The following TMEM132E variants were observed in gnomAD, a reference collection of about 807,000 sequenced individuals.
TMEM132E encodes the protein transmembrane protein 132E.
Under a neutral mutation model 78.5 loss-of-function variants are expected in TMEM132E, and 49 were observed. The ratio of observed to expected loss-of-function variants is 0.62; its 90% CI spans 0.50 to 0.79. TMEM132E has a LOEUF of 0.79. Among genes scored for constraint, TMEM132E ranks in the 30% least tolerant of loss-of-function variants. The probability of loss-of-function intolerance (pLI) is 0.00; values close to 1 mark genes in which losing one functional copy is unlikely to be tolerated. For missense variants in TMEM132E, 1,403 were observed against 1,470.9 expected (o/e 0.95, Z 0.75); for synonymous variants, 715 against 670.6 (o/e 1.07, Z -1.02).
chr17:34,633,222 G>C (rs1241775228), intron 6 of TMEM132E, among the ~76,000 whole-genome samples: 1 of 152,262 alleles, frequency 6.6e-6, no homozygotes, highest in African/African-American at 2.4e-5. Flanking sequence ...GGCACAAGGA[G>C]AGAACCCCCT....
intron 1 of TMEM132E, among the ~76,000 whole-genome samples, chr17:34,603,544 C>T (rs1234964418): frequency 6.6e-6 from 1 of 152,186 alleles, no homozygotes; most frequent in Admixed American, 6.5e-5. Flanking sequence ...TGTGCCATGC[C>T]TGCTCCTGCA....
chr17:34,631,042 T>C (rs1276480771), intron 5 of TMEM132E, among the ~76,000 whole-genome samples: 5 of 152,198 alleles, frequency 3.3e-5, no homozygotes, highest in African/African-American at 7.2e-5. Context: ...CACCCTCCAG[T>C]AGGCATCAAA....
rs545282924 is a variant in TMEM132E at position 34,582,577 on chromosome 17, T to C, written c.67+1434T>C. Among the ~76,000 whole-genome samples the C allele has an allele frequency of 1.7e-4, 26 of 150,066 alleles. 1 individual carries two copies. In the South Asian group the frequency reaches 4.9e-3, roughly 28 times the overall value. On this transcript the variant is annotated intron_variant, in intron 1 of 8. Coordinates refer to ENST00000631683, the MANE Select transcript of TMEM132E (RefSeq NM_001304438.2). ...TAACCTCAGTTCTCTATGGGAGGAA[T>C]AGGCAGAGCAGCGAGCCAGCAGGGG...
intron 1 of TMEM132E, among the ~76,000 whole-genome samples, chr17:34,602,683 G>A (rs1382331254): frequency 1.3e-5 from 2 of 152,138 alleles, no homozygotes; most frequent in East Asian, 1.9e-4. Flanking sequence ...GCAGAGGGAG[G>A]GCTTCACCCA....
Position 34,594,680 on chromosome 17 carries a change from C to G in TMEM132E, c.67+13537C>G, listed in dbSNP as rs143803745. Among the ~76,000 whole-genome samples the G allele has an allele frequency of 6.6e-3, 1,012 of 152,278 alleles. 14 individuals are homozygous for G. The highest frequency in any genetic ancestry group is 0.023 in the African/African-American group (962 of 41,520). ...TCATAGCTCACTGCAGCCTCGAACTCTTGGGCTCAAGTGATCCTCCTGCCT... is the reference window on the plus strand; with the variant it reads ...TCATAGCTCACTGCAGCCTCGAACTGTTGGGCTCAAGTGATCCTCCTGCCT... On this transcript the variant is annotated intron_variant, in intron 1 of 8. Transcript: ENST00000631683.
At chr17:34,620,355 T>C (rs1334585102) in intron 1 of TMEM132E, among the ~76,000 whole-genome samples, 1 of 152,214 alleles carries the variant, frequency 6.6e-6, no homozygotes, top group Non-Finnish European at 1.5e-5. Context: ...AACTGTTCTA[T>C]AGTATTATAT....
At chr17:34,604,614 G>T (rs1215736279) in intron 1 of TMEM132E, among the ~76,000 whole-genome samples, 2 of 151,758 alleles carry the variant, frequency 1.3e-5, no homozygotes, top group African/African-American at 4.8e-5. Flanking sequence ...CCATCTGCAG[G>T]CTTCCAGCTC....
chr17:34,605,837 C>A (rs530935811), intron 1 of TMEM132E, among the ~76,000 whole-genome samples: 1 of 152,186 alleles, frequency 6.6e-6, no homozygotes, highest in Non-Finnish European at 1.5e-5. Context: ...TCTTTAGAAC[C>A]GACGCTACTT....
chr17:34,634,679 C>A, intron 6 of TMEM132E, 120 bp from the exon 7 acceptor site: 1 of 1,264,058 alleles, frequency 7.9e-7, no homozygotes, highest in Non-Finnish European at 1.1e-6. Context: ...ATAGAGGAAG[C>A]TTGCTTTTGC....
At chr17:34,581,875 G>A (rs1018737029) in intron 1 of TMEM132E, among the ~76,000 whole-genome samples, 3 of 152,174 alleles carry the variant, frequency 2.0e-5, no homozygotes, top group African/African-American at 7.2e-5. Context: ...GGAGAAGGAG[G>A]GATTGAGGTT....
intron 3 of TMEM132E, 41 bp from the exon 4 acceptor site, chr17:34,628,971 C>T: frequency 2.0e-6 from 3 of 1,517,336 alleles, no homozygotes; most frequent in Non-Finnish European, 2.7e-6. Flanking sequence ...CTGCTCCCAG[C>T]CCTTCATCCT....
chr17:34,587,638 A>T (rs1372788962), intron 1 of TMEM132E, among the ~76,000 whole-genome samples: 2 of 152,060 alleles, frequency 1.3e-5, no homozygotes, highest in Admixed American at 6.5e-5. Flanking sequence ...TCCAGAAGCC[A>T]GTGTATTTTT....
rs140659696 is a variant in TMEM132E, at chr17:34,637,878, G to C, written c.2871G>C (p.Pro957=). The part of the protein sequence containing the change: ...QGELSPPAGN[P]LETVPAFCHG... ...AGCTGTCGCCGCCAGCAGGCAACCC[G>C]CTGGAAACCGTGCCCGCCTTCTGCC... The change falls in exon 9 of 9, where the codon CCG becomes CCC. Residue 957 remains proline (P), a synonymous_variant. Coordinates refer to ENST00000631683, the MANE Select transcript of TMEM132E (RefSeq NM_001304438.2). 1.2e-6 allele frequency: 2 copies of C among 1,608,096 alleles called. No homozygotes were observed. The highest frequency in any genetic ancestry group is 1.7e-6 in the Non-Finnish European group (2 of 1,178,986).
chr17:34,584,798 CA>C (rs1389992825), intron 1 of TMEM132E, among the ~76,000 whole-genome samples: 10 of 152,228 alleles, frequency 6.6e-5, no homozygotes, highest in Non-Finnish European at 1.0e-4. Context: ...TGGGCACATA[CA>C]AGACCCATGT....
At position 34,634,845 on chromosome 17, in the gene TMEM132E, C is replaced by A. The variant is rs779146464; in HGVS notation, c.1735C>A (p.Arg579=). 6.2e-7 allele frequency: 1 copy of A among 1,613,806 alleles called. No individual in the cohort carries two copies. The highest frequency in any genetic ancestry group is 8.5e-7 in the Non-Finnish European group (1 of 1,180,002). The change falls in exon 7 of 9, where the codon CGG becomes AGG. Residue 579 remains arginine (R), a synonymous_variant. Transcript: ENST00000631683. ...EDEDEEEEER[R]QSASRGCTLQ... ...TGAGGATGAGGAGGAGGAGGAGCGG[C>A]GGCAGAGTGCAAGCCGTGGCTGCAC... is the stretch of plus-strand genomic sequence containing the variant.
At chr17:34,632,561 T>A in intron 5 of TMEM132E, 143 bp from the exon 6 acceptor site, 1 of 750,758 alleles carries the variant, frequency 1.3e-6, no homozygotes, top group Non-Finnish European at 2.3e-6. Flanking sequence ...CCCAGAGGAA[T>A]CAGTGCTTCC....
chr17:34,599,734 G>A (rs1276381800), intron 1 of TMEM132E, among the ~76,000 whole-genome samples: 2 of 151,898 alleles, frequency 1.3e-5, no homozygotes, highest in African/African-American at 4.8e-5. Context: ...CACTAATCTG[G>A]GCACAGCCAG....
At chr17:34,605,837 C>T (rs530935811) in intron 1 of TMEM132E, among the ~76,000 whole-genome samples, 5 of 152,068 alleles carry the variant, frequency 3.3e-5, no homozygotes, top group South Asian at 2.1e-4. Flanking sequence ...TCTTTAGAAC[C>T]GACGCTACTT....
chr17:34,630,258 C>A, intron 5 of TMEM132E, 107 bp downstream of exon 5: 1 of 1,254,972 alleles, frequency 8.0e-7, no homozygotes, highest in Non-Finnish European at 1.1e-6. Context: ...TCCTCTAACA[C>A]TGAACCCAGG....
Sources: gnomAD v4.1 joint callset for allele counts (sites outside exome capture counted in the v4.1 genomes callset) on GRCh38, gnomAD v4.1.1 for gene constraint, MANE v1.5 for transcripts, NCBI Gene and HGNC (gene_info 2026-07-23, HGNC 2026-07-21) for gene names.